FAM177B: variants seen among roughly 807,000 people sequenced by gnomAD.
The protein encoded by FAM177B is family with sequence similarity 177 member B.
Under a neutral mutation model 16.1 loss-of-function variants are expected in FAM177B, and 16 were observed. That is an observed-to-expected ratio of 0.99 (90% CI 0.67 to 1.51). FAM177B has a LOEUF of 1.51. Among genes scored for constraint, FAM177B ranks in the 40% most tolerant of loss-of-function variants. FAM177B has a pLI of 0.00. For synonymous variants in FAM177B, 56 were observed against 59.9 expected (o/e 0.93, Z 0.30); for missense variants, 178 against 183.7 (o/e 0.97, Z 0.18).
chr1:222,750,198 T>A lies in FAM177B; in HGVS notation c.*140T>A. 6.8e-7 allele frequency: 1 copy of A among 1,462,420 alleles called. No homozygotes were observed. Among genetic ancestry groups the A allele is most frequent in the South Asian group, 1.6e-5 (1 of 64,446 alleles). 90.6% of individuals were successfully genotyped at this position (1,462,420 alleles called of 1,614,324 possible). On this transcript the variant is annotated 3_prime_UTR_variant, in exon 6 of 6. Transcript: ENST00000445590. ...GGTAGCACTTCTGAGCCAGATCTGATCCTAATCTCTGTGTGACTTAGTCTC... is the reference window on the plus strand; with the variant it reads ...GGTAGCACTTCTGAGCCAGATCTGAACCTAATCTCTGTGTGACTTAGTCTC...
chr1:222,741,650 A>G (rs953443067), intron 2 of FAM177B, among the ~76,000 whole-genome samples: 1 of 151,554 alleles, frequency 6.6e-6, no homozygotes, highest in African/African-American at 2.4e-5. Context: ...CTGTCAGCTC[A>G]GTCTCCCAAG....
At chr1:222,745,123 C>T (rs918325102) in intron 2 of FAM177B, among the ~76,000 whole-genome samples, 4 of 152,142 alleles carry the variant, frequency 2.6e-5, no homozygotes, top group Admixed American at 2.6e-4. Context: ...CTTTTAATTG[C>T]TGAGGAGTAT....
At chr1:222,746,915 A>G in intron 3 of FAM177B, 100 bp from the exon 4 acceptor site, 2 of 960,908 alleles carry the variant, frequency 2.1e-6, no homozygotes, top group South Asian at 2.7e-5. Flanking sequence ...GAGAAAATGG[A>G]ACATATTATA....
At chr1:222,741,517 G>A (rs1658529688) in intron 2 of FAM177B, among the ~76,000 whole-genome samples, 1 of 150,922 alleles carries the variant, frequency 6.6e-6, no homozygotes, top group South Asian at 2.1e-4. Context: ...TTGTTTAGCT[G>A]GATATTGAAT....
chr1:222,738,934 GTCTC>G (rs1430921386), intron 2 of FAM177B, among the ~76,000 whole-genome samples: 2 of 152,136 alleles, frequency 1.3e-5, no homozygotes, highest in African/African-American at 4.8e-5. Flanking sequence ...CTCATTCACG[GTCTC>G]TCTCTCCACT....
At chr1:222,747,832 A>G (rs1444917792) in intron 4 of FAM177B, among the ~76,000 whole-genome samples, 1 of 152,254 alleles carries the variant, frequency 6.6e-6, no homozygotes, top group African/African-American at 2.4e-5. Context: ...GGACACAAAG[A>G]TGAATGACAA....
chr1:222,738,329 G>C (rs1405609973), intron 2 of FAM177B, among the ~76,000 whole-genome samples: 1 of 152,144 alleles, frequency 6.6e-6, no homozygotes, highest in Non-Finnish European at 1.5e-5. Flanking sequence ...AGGTCAGAGA[G>C]ATTATATGGC....
intron 4 of FAM177B, chr1:222,747,514 T>C (rs1266821112): frequency 1.9e-5 from 3 of 159,244 alleles, no homozygotes; most frequent in Non-Finnish European, 2.8e-5. Context: ...ATAACTGCTT[T>C]ATTATAAACA....
At chr1:222,747,998 A>C (rs1658877405) in intron 4 of FAM177B, among the ~76,000 whole-genome samples, 1 of 152,204 alleles carries the variant, frequency 6.6e-6, no homozygotes, top group Non-Finnish European at 1.5e-5. Flanking sequence ...GAGACCCCTT[A>C]AGAGAGCTAT....
At position 222,741,567 on chromosome 1, in the gene FAM177B, G is replaced by T. The variant is rs1252807072; in HGVS notation, c.-16+3546G>T. On this transcript the variant is annotated intron_variant, in intron 2 of 5. Coordinates refer to ENST00000445590, the MANE Select transcript of FAM177B (RefSeq NM_001394345.1). Reference sequence around the variant, plus strand: ...TTTTTGAGATGGCATCTTCTCTGTCGCCCAGGCTAGAGTGCAGTGGCACAA... The same window carrying T: ...TTTTTGAGATGGCATCTTCTCTGTCTCCCAGGCTAGAGTGCAGTGGCACAA... 2.1e-5 allele frequency among the ~76,000 whole-genome samples: 3 copies of T among 145,148 alleles called. No homozygotes were observed. The South Asian group carries it at 6.5e-4, about 32-fold the overall frequency.
At chr1:222,749,681 G>C in intron 5 of FAM177B, 119 bp downstream of exon 5, 1 of 731,982 alleles carries the variant, frequency 1.4e-6, no homozygotes, top group Non-Finnish European at 2.3e-6. Flanking sequence ...ATTTCACCAA[G>C]CTCCCATAGT....
intron 3 of FAM177B, 143 bp from the exon 4 acceptor site, chr1:222,746,872 A>G (rs530297618): frequency 5.6e-5 from 50 of 887,462 alleles, no homozygotes; most frequent in African/African-American, 5.4e-4. Context: ...GCAACTTACA[A>G]TTTTAATCAT....
At chr1:222,744,270 A>C (rs1279881726) in intron 2 of FAM177B, among the ~76,000 whole-genome samples, 1 of 152,208 alleles carries the variant, frequency 6.6e-6, no homozygotes, top group Non-Finnish European at 1.5e-5. Context: ...CAGGAGTTCG[A>C]GATCAGCCTG....
chr1:222,741,539 T>C (rs1317665436), intron 2 of FAM177B, among the ~76,000 whole-genome samples: 1 of 151,880 alleles, frequency 6.6e-6, no homozygotes, highest in Admixed American at 6.6e-5. Context: ...CTCTATTTTT[T>C]TTTTTTTGAG....
intron 2 of FAM177B, 72 bp from the exon 3 acceptor site, chr1:222,746,459 C>A: frequency 1.3e-6 from 1 of 785,764 alleles, no homozygotes; most frequent in Non-Finnish European, 2.1e-6. Context: ...TCTTTACTAT[C>A]CATTGAAAAT....
chr1:222,749,717 G>A (rs1046613777), intron 5 of FAM177B, among the ~76,000 whole-genome samples, 155 bp downstream of exon 5: 2 of 152,142 alleles, frequency 1.3e-5, no homozygotes, highest in Admixed American at 6.5e-5. Flanking sequence ...TTCTAGTTCT[G>A]TTCACCCAGG....
intron 4 of FAM177B, among the ~76,000 whole-genome samples, chr1:222,748,700 G>T (rs984779386): frequency 8.5e-5 from 13 of 152,150 alleles, no homozygotes; most frequent in African/African-American, 3.1e-4. Context: ...ACTAGGCAGT[G>T]CAGCAAATAA....
intron 2 of FAM177B, among the ~76,000 whole-genome samples, chr1:222,741,798 TTCTC>T (rs369503377): frequency 0.034 from 4,938 of 146,808 alleles, 117 homozygotes; most frequent in East Asian, 0.11. Context: ...CTTTCTTTCT[TTCTC>T]TCTTTCTTTC....
chr1:222,741,748 CT>C (rs1658543146), intron 2 of FAM177B, among the ~76,000 whole-genome samples: 1 of 145,848 alleles, frequency 6.9e-6, no homozygotes, highest in African/African-American at 2.5e-5. Context: ...TCCCTCCCTC[CT>C]TTCTTTCTTT....
Sources: gnomAD v4.1 joint callset for allele counts (sites outside exome capture counted in the v4.1 genomes callset) on GRCh38, gnomAD v4.1.1 for gene constraint, MANE v1.5 for transcripts, NCBI Gene and HGNC (gene_info 2026-07-23, HGNC 2026-07-21) for gene names.